The following SSBP3 variants were observed in gnomAD, a reference collection of about 807,000 sequenced individuals.
SSBP3 encodes single-stranded DNA-binding protein 3.
In SSBP3, 5 loss-of-function variants were observed where a neutral mutation model predicts 69.6. That is an observed-to-expected ratio of 0.07 (90% CI 0.04 to 0.15). The LOEUF is 0.15. Ranked by LOEUF, SSBP3 falls within the 10% of genes least tolerant of loss-of-function variation. The pLI, the probability that SSBP3 is intolerant of heterozygous loss-of-function variation, is 1.00. For missense variants in SSBP3, 312 were observed against 534.0 expected, an observed-to-expected ratio of 0.58 and a Z score of 4.10; for synonymous variants, 196 against 193.4, an observed-to-expected ratio of 1.01 and a Z score of -0.11.
chr1:54,250,298 G>A (rs1263863824), intron 9 of SSBP3, among the ~76,000 whole-genome samples: 1 of 152,234 alleles, frequency 6.6e-6, no homozygotes, highest in East Asian at 1.9e-4. Flanking sequence ...CAGAAGACAA[G>A]GACCTCCCTA....
At chr1:54,347,055 G>A (rs1486571859) in intron 4 of SSBP3, among the ~76,000 whole-genome samples, 1 of 152,044 alleles carries the variant, frequency 6.6e-6, no homozygotes, top group Non-Finnish European at 1.5e-5. Context: ...TTGGACTCCT[G>A]GGATCAAGCA....
chr1:54,325,561 T>C (rs898624610), intron 4 of SSBP3: 1 of 165,422 alleles, frequency 6.0e-6, no homozygotes, highest in Non-Finnish European at 1.5e-5. Context: ...CTCCCTTATT[T>C]TGTAACTCCT....
intron 7 of SSBP3, among the ~76,000 whole-genome samples, chr1:54,254,624 T>C (rs183717503): frequency 6.6e-6 from 1 of 152,236 alleles, no homozygotes; most frequent in Admixed American, 6.5e-5. Flanking sequence ...GCAAGTCCTC[T>C]AGTCTCGGCT....
chr1:54,285,426 G>A (rs1645470441), intron 4 of SSBP3: 1 of 152,104 alleles, frequency 6.6e-6, no homozygotes, highest in Non-Finnish European at 1.5e-5. Flanking sequence ...TCCTGTCTCT[G>A]AGACCCAGCA....
chr1:54,303,338 G>A (rs1321817927), intron 4 of SSBP3, among the ~76,000 whole-genome samples: 1 of 150,508 alleles, frequency 6.6e-6, no homozygotes, highest in African/African-American at 2.5e-5. Flanking sequence ...CGCTGCCCTT[G>A]TTCGGGCAGT....
At chr1:54,248,645 C>T (rs1644773151) in intron 9 of SSBP3, among the ~76,000 whole-genome samples, 3 of 152,136 alleles carry the variant, frequency 2.0e-5, no homozygotes, top group African/African-American at 4.8e-5. Flanking sequence ...TCTGCCGGGC[C>T]CAAGATGAGC....
At chr1:54,262,560 T>TG (rs1314970187) in intron 5 of SSBP3, among the ~76,000 whole-genome samples, 19 of 152,148 alleles carry the variant, frequency 1.2e-4, no homozygotes, top group Non-Finnish European at 2.5e-4. Context: ...CCTGAGGAGC[T>TG]GCCAGGCTAA....
intron 4 of SSBP3, among the ~76,000 whole-genome samples, chr1:54,363,287 G>C (rs1324605250): frequency 6.6e-6 from 1 of 152,076 alleles, no homozygotes; most frequent in African/African-American, 2.4e-5. Flanking sequence ...TGGGAAATGG[G>C]GACAAGGGTA....
At chr1:54,239,705 G>A (rs978653454) in intron 13 of SSBP3, among the ~76,000 whole-genome samples, 7 of 152,230 alleles carry the variant, frequency 4.6e-5, no homozygotes, top group East Asian at 1.9e-4. Flanking sequence ...TGGCCCAGTC[G>A]GAATGTAGGT....
upstream of SSBP3, among the ~76,000 whole-genome samples, chr1:54,408,727 C>G (rs542143658): frequency 3.3e-4 from 51 of 152,288 alleles, no homozygotes; most frequent in Non-Finnish European, 6.6e-4. Context: ...TAAAATTTCC[C>G]TCCTATATTT....
chr1:54,298,184 C>A (rs1294758486), intron 4 of SSBP3, among the ~76,000 whole-genome samples: 2 of 152,184 alleles, frequency 1.3e-5, no homozygotes, highest in East Asian at 1.9e-4. Context: ...CTGCCTCCAT[C>A]AAGCAGACCG....
intron 13 of SSBP3, among the ~76,000 whole-genome samples, chr1:54,240,107 T>TGCGTGC (rs1553123257): frequency 2.2e-5 from 3 of 134,574 alleles, no homozygotes; most frequent in Non-Finnish European, 4.7e-5. Context: ...CGCGTGTGCG[T>TGCGTGC]GCGCGCGCGC....
intron 4 of SSBP3, among the ~76,000 whole-genome samples, chr1:54,334,108 C>G (rs1646467492): frequency 6.6e-6 from 1 of 151,666 alleles, no homozygotes; most frequent in African/African-American, 2.4e-5. Flanking sequence ...AATCCCAGCA[C>G]TTTGGGAGGC....
Position 54,250,541 on chromosome 1 carries a change from TGG to T in SSBP3, c.651+1073_651+1074del, listed in dbSNP as rs5774179. 1.8e-4 allele frequency among the ~76,000 whole-genome samples: 26 copies of T among 144,516 alleles called. 1 individual carries two copies. Among genetic ancestry groups the T allele is most frequent in the South Asian group, 4.5e-4 (2 of 4,420 alleles). The allele number at this position is 144,516 out of a possible 152,430, so 94.8% of individuals were successfully genotyped here. On this transcript the variant is annotated intron_variant, in intron 9 of 17. Coordinates refer to ENST00000610401, the Ensembl canonical transcript of SSBP3. ...AAAAGGGAGCACGTGTGGGCGGGAA[TGG>T]GGGGGGGCACTACTCCACCCTCAGG...
At chr1:54,310,944 C>A (rs1440883603) in intron 4 of SSBP3, among the ~76,000 whole-genome samples, 1 of 152,234 alleles carries the variant, frequency 6.6e-6, no homozygotes, top group East Asian at 1.9e-4. Flanking sequence ...CGTGTGGGGG[C>A]TGACATCACC....
chr1:54,273,144 G>C (rs1022935540), intron 5 of SSBP3, among the ~76,000 whole-genome samples: 1 of 152,240 alleles, frequency 6.6e-6, no homozygotes, highest in Non-Finnish European at 1.5e-5. Context: ...CTTTGTTACC[G>C]AGCAAATCTC....
At chr1:54,240,118 GCGCAA>G (rs752071711) in intron 13 of SSBP3, among the ~76,000 whole-genome samples, 1,257 of 7,286 alleles carry the variant, frequency 0.17, 64 homozygotes, top group South Asian at 0.31. Context: ...GCGCGCGCGC[GCGCAA>G]CACATGCCCA....
intron 14 of SSBP3, among the ~76,000 whole-genome samples, chr1:54,233,824 C>T (rs1405856797): frequency 1.4e-4 from 21 of 151,956 alleles, no homozygotes; most frequent in Admixed American, 6.6e-4. Flanking sequence ...CGCCTCTGCC[C>T]GGCCACCACC....
chr1:54,365,224 C>T (rs538083262), intron 4 of SSBP3, among the ~76,000 whole-genome samples: 2 of 152,248 alleles, frequency 1.3e-5, no homozygotes, highest in South Asian at 2.1e-4. Flanking sequence ...TTGTGCCATG[C>T]GGTGAAGCAA....
Sources: allele counts gnomAD v4.1 joint callset (sites outside exome capture counted in the v4.1 genomes callset), GRCh38; gene constraint gnomAD v4.1.1; transcripts MANE v1.5; gene names NCBI Gene and HGNC (gene_info 2026-07-23, HGNC 2026-07-21).